FMN2: variants seen among roughly 807,000 people sequenced by gnomAD.
FMN2 encodes formin-2.
Under a neutral mutation model 142.3 loss-of-function variants are expected in FMN2, and 51 were observed. The ratio of observed to expected loss-of-function variants is 0.36; its 90% CI spans 0.29 to 0.45. The LOEUF (loss-of-function observed/expected upper bound fraction) is 0.45. Among genes scored for constraint, FMN2 ranks in the 20% least tolerant of loss-of-function variants. The pLI, the probability that FMN2 is intolerant of heterozygous loss-of-function variation, is 1.00. For synonymous variants in FMN2, 882 were observed against 869.8 expected, an observed-to-expected ratio of 1.01 and a Z score of -0.25; for missense variants, 1,936 against 2,122.8, an observed-to-expected ratio of 0.91 and a Z score of 1.73.
chr1:240,458,534 G>A (rs1269818212), intron 16 of FMN2: 12 of 152,160 alleles, frequency 7.9e-5, no homozygotes, highest in Non-Finnish European at 1.6e-4. Flanking sequence ...AGAAGGGTCA[G>A]AAACTACAGT....
At chr1:240,334,295 C>A in intron 13 of FMN2, 66 bp downstream of exon 13, 1 of 1,457,798 alleles carries the variant, frequency 6.9e-7, no homozygotes. Context: ...GCAGACTTTT[C>A]AATGTTTTTA....
intron 4 of FMN2, 99 bp downstream of exon 4, chr1:240,188,361 T>A: frequency 7.9e-7 from 1 of 1,258,560 alleles, no homozygotes; most frequent in Non-Finnish European, 1.1e-6. Context: ...CCCGGCTGGC[T>A]AGGATGCCCT....
chr1:240,147,196 A>G (rs1009689878), intron 2 of FMN2, among the ~76,000 whole-genome samples: 1 of 152,156 alleles, frequency 6.6e-6, no homozygotes, highest in Non-Finnish European at 1.5e-5. Context: ...AACTTAAATA[A>G]CTCAGTTAAT....
intron 6 of FMN2, among the ~76,000 whole-genome samples, chr1:240,241,844 T>C (rs1322156879): frequency 2.8e-5 from 3 of 105,310 alleles, no homozygotes; most frequent in Non-Finnish European, 6.0e-5. Context: ...TTTTTTTTTT[T>C]TTTTTTTTTT....
rs945254733 is a variant in FMN2 at position 240,338,770 on chromosome 1, C to A, written c.4765+4541C>A. The stretch of plus-strand genomic sequence containing the variant: ...AGTGGGGGATGGTTTCAGGATGATT[C>A]GAGGGCATTACATTTATTGTGCGCT... On this transcript the variant is annotated intron_variant, in intron 13 of 17. Transcript: ENST00000319653. Among the ~76,000 whole-genome samples the A allele has an allele frequency of 5.3e-5, 8 of 152,200 alleles. No homozygotes were observed. In the East Asian group the frequency reaches 1.2e-3, roughly 22 times the overall value.
intron 4 of FMN2, among the ~76,000 whole-genome samples, chr1:240,193,345 G>A (rs1665787344): frequency 6.6e-6 from 1 of 152,232 alleles, no homozygotes; most frequent in Admixed American, 6.5e-5. Context: ...TTAAGAAGCA[G>A]ACAGTTAGAA....
intron 13 of FMN2, among the ~76,000 whole-genome samples, chr1:240,352,688 C>T (rs931868507): frequency 6.6e-6 from 1 of 152,106 alleles, no homozygotes; most frequent in Non-Finnish European, 1.5e-5. Context: ...TAAATCTCGG[C>T]CTCATTTCTT....
Position 240,474,246 on chromosome 1 carries a change from C to A in FMN2, c.*92C>A. 1 of 1,174,670 alleles carries A rather than the reference C, an allele frequency of 8.5e-7. No individual in the cohort carries two copies. The highest frequency in any genetic ancestry group is 1.2e-6 in the Non-Finnish European group (1 of 848,414). The allele number at this position is 1,174,670 out of a possible 1,614,324, so 72.8% of individuals were successfully genotyped here. ...TGGGAGGGAAACTACCGTCATTCTG[C>A]TCATGTTTCTTCTTGACCTCTTGCA... On this transcript the variant is annotated 3_prime_UTR_variant, in exon 18 of 18. Coordinates refer to ENST00000319653, the MANE Select transcript of FMN2 (RefSeq NM_020066.5).
At chr1:240,199,467 A>C (rs1430092322) in intron 4 of FMN2, among the ~76,000 whole-genome samples, 1 of 152,166 alleles carries the variant, frequency 6.6e-6, no homozygotes, top group African/African-American at 2.4e-5. Flanking sequence ...TTGTAACCTT[A>C]ATGTTACAGT....
chr1:240,253,780 T>C (rs1668358603), intron 6 of FMN2, among the ~76,000 whole-genome samples: 1 of 152,202 alleles, frequency 6.6e-6, no homozygotes, highest in Admixed American at 6.5e-5. Flanking sequence ...GATGTATCTG[T>C]GGTGTTGGTT....
At chr1:240,335,391 A>T (rs2103021485) in intron 13 of FMN2, among the ~76,000 whole-genome samples, 1 of 152,294 alleles carries the variant, frequency 6.6e-6, no homozygotes, top group African/African-American at 2.4e-5. Flanking sequence ...CATTTGTATA[A>T]TATTGTGGTA....
chr1:240,092,178 C>G lies in FMN2; in HGVS notation c.69C>G (p.Ala23=), dbSNP rs1660995784. The change falls in exon 1 of 18, where the codon GCC becomes GCG. Residue 23 remains alanine, a synonymous_variant. Transcript: ENST00000319653. ...GDALHEGGGG[A]EDALGPRDVE... ...CTTTGCACGAAGGCGGCGGTGGCGC[C>G]GAGGATGCGCTGGGGCCCAGGGATG... The G allele has an allele frequency of 6.3e-7, 1 of 1,578,534 alleles. No homozygotes were observed.
rs369204501 is a variant in FMN2 at position 240,262,339 on chromosome 1, AT to A, written c.4153+4309del. Among the ~76,000 whole-genome samples, 83 of 152,214 alleles carry A rather than the reference AT, an allele frequency of 5.5e-4. No individual in the cohort carries two copies. The East Asian group carries it at 0.012, about 22-fold the overall frequency. On this transcript the variant is annotated intron_variant, in intron 7 of 17. Coordinates refer to ENST00000319653, the MANE Select transcript of FMN2 (RefSeq NM_020066.5). ...GCTCTTCATTTTGTTTAGCATGGTA[AT>A]TATATCTTGTCAGCTCTTTGACGTC...
In FMN2 at chr1:240,208,564, G is replaced by A; in HGVS notation, c.3752G>A (p.Ser1251Asn). Residue 1251 changes from serine to asparagine, a missense_variant, in exon 5 of 18, where the codon AGT (serine) becomes AAT (asparagine). Physicochemically the swap from Ser to Asn is conservative, Grantham distance 46 (BLOSUM62 1). Around this residue, in one of 8 missense-constraint regions of FMN2, gnomAD observed 259 missense variants for 230.9 expected, o/e 1.12. Coordinates refer to ENST00000319653, the MANE Select transcript of FMN2 (RefSeq NM_020066.5). ...CCTCCACTCCTCCCACAAGTTGGGA[G>A]TAGCACTTTACCAACCCCACAGGTG... ...SGPPLLPQVGSSTLPTPQVCG... is the reference protein window; with the variant it reads ...SGPPLLPQVGNSTLPTPQVCG... 1 of 1,613,552 alleles carries A rather than the reference G, an allele frequency of 6.2e-7. No individual in the cohort carries two copies. The highest frequency in any genetic ancestry group is 1.7e-5 in the Admixed American group (1 of 59,974).
intron 16 of FMN2, among the ~76,000 whole-genome samples, chr1:240,457,139 G>A (rs1423525114): frequency 6.6e-6 from 1 of 152,124 alleles, no homozygotes; most frequent in African/African-American, 2.4e-5. Context: ...AAAGTTGGCA[G>A]GCCAGACCCT....
At position 240,207,199 on chromosome 1, in the gene FMN2, T is replaced by C; in HGVS notation, c.2387T>C (p.Val796Ala). The C allele has an allele frequency of 6.2e-7, 1 of 1,613,954 alleles. No homozygotes were observed. The highest frequency in any genetic ancestry group is 8.5e-7 in the Non-Finnish European group (1 of 1,179,926). ...ATTGTGTCTCCAAGGCGAATATCAG[T>C]CCAGCTCGACAGCCATCAGCCCACA... Reference protein sequence around the residue: ...SLIVSPRRISVQLDSHQPTQS... With the variant: ...SLIVSPRRISAQLDSHQPTQS... The change falls in exon 5 of 18, where the codon GTC (valine) becomes GCC (alanine). Residue 796 changes from valine to alanine, a missense_variant. Physicochemically the swap from Val to Ala is moderately conservative, Grantham distance 64. Coordinates refer to ENST00000319653, the MANE Select transcript of FMN2 (RefSeq NM_020066.5).
At chr1:240,261,229 A>C (rs573534647) in intron 7 of FMN2, among the ~76,000 whole-genome samples, 2 of 152,144 alleles carry the variant, frequency 1.3e-5, no homozygotes, top group South Asian at 4.1e-4. Flanking sequence ...TTCTTTGGCT[A>C]TGTGGCATTT....
intron 4 of FMN2, among the ~76,000 whole-genome samples, chr1:240,189,452 G>T (rs985666946): frequency 6.6e-6 from 1 of 152,150 alleles, no homozygotes; most frequent in Non-Finnish European, 1.5e-5. Flanking sequence ...GGGACATAGG[G>T]TTCTTCTCTG....
In FMN2 at chr1:240,143,156, G is replaced by T. The variant is rs1663267284; in HGVS notation, c.1782+19811G>T. The T allele has an allele frequency of 1.1e-5, 18 of 1,577,172 alleles. No individual in the cohort carries two copies. The South Asian group carries it at 1.9e-4, about 16-fold the overall frequency. On this transcript the variant is annotated intron_variant, in intron 2 of 17. Coordinates refer to ENST00000319653, the MANE Select transcript of FMN2 (RefSeq NM_020066.5). The stretch of plus-strand genomic sequence containing the variant: ...CCTTGGCATGATATTGAGCTAACTG[G>T]CGCAACATTGCAGCCAGACGGGCAT...
Sources: gnomAD v4.1 joint callset for allele counts (sites outside exome capture counted in the v4.1 genomes callset) on GRCh38, gnomAD v4.1.1 for gene constraint, gnomAD v4.1.1 regional missense constraint, MANE v1.5 for transcripts, NCBI Gene and HGNC (gene_info 2026-07-23, HGNC 2026-07-21) for gene names.